The following CCSER2 variants were observed in gnomAD, a reference collection of about 807,000 sequenced individuals.
The protein encoded by CCSER2 is coiled-coil serine rich protein 2.
In CCSER2, 46 loss-of-function variants were observed where a neutral mutation model predicts 92.3. That is an observed-to-expected ratio of 0.50 (90% CI 0.39 to 0.64). The LOEUF is 0.64. Among genes scored for constraint, CCSER2 ranks in the 30% least tolerant of loss-of-function variants. The pLI is 0.00. For missense variants in CCSER2, 1,244 were observed against 1,238.9 expected (o/e 1.00, Z -0.06); for synonymous variants, 433 against 431.4 (o/e 1.00, Z -0.04).
chr10:84,361,307 C>T (rs1845486991), intron 1 of CCSER2, among the ~76,000 whole-genome samples: 1 of 152,158 alleles, frequency 6.6e-6, no homozygotes, highest in Non-Finnish European at 1.5e-5. Context: ...GTTAAATGTC[C>T]CGTCTCTCCT....
chr10:84,398,104 T>G (rs1371440024), intron 3 of CCSER2, among the ~76,000 whole-genome samples: 1 of 152,174 alleles, frequency 6.6e-6, no homozygotes, highest in Non-Finnish European at 1.5e-5. Flanking sequence ...AAAATCAAGA[T>G]GTCAGCAGGG....
chr10:84,391,554 A>G (rs1273903108), intron 3 of CCSER2: 1 of 1,490,690 alleles, frequency 6.7e-7, no homozygotes, highest in East Asian at 2.3e-5. Context: ...GTCTGCAACA[A>G]TGCCACATAG....
chr10:84,392,006 T>A, intron 3 of CCSER2: 5 of 1,315,210 alleles, frequency 3.8e-6, no homozygotes, highest in Non-Finnish European at 5.5e-6. Context: ...ACCAGTTTCC[T>A]CTTCCCTTAA....
At chr10:84,486,781 C>T (rs775461175) in intron 9 of CCSER2, among the ~76,000 whole-genome samples, 3 of 152,166 alleles carry the variant, frequency 2.0e-5, no homozygotes, top group Admixed American at 6.5e-5. Context: ...GCTTTTATTG[C>T]CATTGCTTTT....
chr10:84,385,755 CTTAA>C (rs1207625956), intron 3 of CCSER2, among the ~76,000 whole-genome samples: 3 of 151,896 alleles, frequency 2.0e-5, no homozygotes, highest in African/African-American at 7.3e-5. Context: ...ATAAATGGGA[CTTAA>C]TTAAGCTTTT....
chr10:84,429,166 ATTC>A (rs1277126304), intron 5 of CCSER2, among the ~76,000 whole-genome samples: 1 of 151,858 alleles, frequency 6.6e-6, no homozygotes, highest in Non-Finnish European at 1.5e-5. Flanking sequence ...ATTTTTGTGA[ATTC>A]TTCTTTGAAT....
At chr10:84,492,445 C>A (rs1345271465) in intron 9 of CCSER2, among the ~76,000 whole-genome samples, 1 of 151,988 alleles carries the variant, frequency 6.6e-6, no homozygotes, top group African/African-American at 2.4e-5. Context: ...ACTTTTTGAT[C>A]TGATGTCTTT....
rs568607767 is a variant in CCSER2 at position 84,349,546 on chromosome 10, G to T, written c.-40+20738G>T. Among the ~76,000 whole-genome samples, 216 of 152,212 alleles carry T rather than the reference G, an allele frequency of 1.4e-3. 1 individual carries two copies. Among genetic ancestry groups the T allele is most frequent in the African/African-American group, 5.0e-3 (206 of 41,516 alleles). On this transcript the variant is annotated intron_variant, in intron 1 of 9. Transcript: ENST00000372088. The stretch of plus-strand genomic sequence containing the variant: ...AAAATTAAAAAGTTAGCTGGGTGTG[G>T]TGGCATGTGCCTGTAGTCCCAGCTA...
intron 6 of CCSER2, among the ~76,000 whole-genome samples, chr10:84,457,380 T>C (rs1845789068): frequency 1.0e-5 from 1 of 97,136 alleles, no homozygotes; most frequent in South Asian, 2.6e-4. Context: ...ATATATATTT[T>C]AAATATATAT....
chr10:84,435,965 T>C (rs1333507134), intron 5 of CCSER2, among the ~76,000 whole-genome samples: 1 of 152,072 alleles, frequency 6.6e-6, no homozygotes, highest in Non-Finnish European at 1.5e-5. Flanking sequence ...CAAAGACTAC[T>C]CAGAGGTTGT....
chr10:84,467,730 A>G lies in CCSER2; in HGVS notation c.2149-2642A>G, dbSNP rs575140383. On this transcript the variant is annotated intron_variant, in intron 7 of 9. Transcript: ENST00000372088. ...ACATACTTGTTGTTCTTCTGTATTCACCATTTCTTTTGTTGGCGCAGCTAT... is the reference window on the plus strand; with the variant it reads ...ACATACTTGTTGTTCTTCTGTATTCGCCATTTCTTTTGTTGGCGCAGCTAT... Among the ~76,000 whole-genome samples the G allele has an allele frequency of 5.9e-5, 9 of 152,122 alleles. No individual in the cohort carries two copies. The South Asian group carries it at 1.7e-3, about 28-fold the overall frequency.
chr10:84,378,170 G>A (rs1390135004), intron 3 of CCSER2, among the ~76,000 whole-genome samples: 1 of 152,070 alleles, frequency 6.6e-6, no homozygotes, highest in South Asian at 2.1e-4. Flanking sequence ...TTTAATCAGA[G>A]TATGGAAATT....
chr10:84,436,055 C>T (rs1054195051), intron 5 of CCSER2, among the ~76,000 whole-genome samples: 1 of 152,058 alleles, frequency 6.6e-6, no homozygotes, highest in Non-Finnish European at 1.5e-5. Flanking sequence ...CTGGGCCCGG[C>T]GCCGTGGCCG....
At chr10:84,465,796 G>T (rs976315640) in intron 7 of CCSER2, among the ~76,000 whole-genome samples, 5 of 151,686 alleles carry the variant, frequency 3.3e-5, no homozygotes, top group Non-Finnish European at 5.9e-5. Flanking sequence ...TGTTGCCTAG[G>T]CTGGAGTGCA....
chr10:84,352,855 A>G (rs1436358735), intron 1 of CCSER2, among the ~76,000 whole-genome samples: 2 of 151,980 alleles, frequency 1.3e-5, no homozygotes, highest in African/African-American at 2.4e-5. Context: ...CAGTGGTACA[A>G]TCTTGGCTCA....
intron 9 of CCSER2, among the ~76,000 whole-genome samples, chr10:84,497,742 T>C (rs985410076): frequency 1.4e-4 from 21 of 152,222 alleles, no homozygotes; most frequent in African/African-American, 5.1e-4. Flanking sequence ...CTGTGACAGA[T>C]ACTTTCACCT....
In CCSER2 at chr10:84,513,878, TC is replaced by T; in HGVS notation, c.2757del (p.Leu920CysfsTer4). The T allele has an allele frequency of 1.3e-6, 2 of 1,536,402 alleles. No individual in the cohort carries two copies. The highest frequency in any genetic ancestry group is 1.7e-6 in the Non-Finnish European group (2 of 1,146,966). On this transcript the variant is annotated frameshift_variant, in exon 10 of 10. Transcript: ENST00000372088. LOFTEE classifies it high-confidence loss of function. The stretch of plus-strand genomic sequence containing the variant: ...AGTGGGTTATATGTCTCAGCCCAAG[TC>T]CTTGCAGCTTTTAAAGCCATCCATA... ...PPVGYMSQPK[S>X]LQLLKPSILS...
intron 1 of CCSER2, among the ~76,000 whole-genome samples, chr10:84,337,499 G>A (rs1354544094): frequency 6.6e-6 from 1 of 152,174 alleles, no homozygotes; most frequent in Non-Finnish European, 1.5e-5. Flanking sequence ...GACTTGATTG[G>A]AGTGGGCTTA....
intron 5 of CCSER2, among the ~76,000 whole-genome samples, chr10:84,436,192 T>TG: frequency 3.3e-5 from 5 of 149,662 alleles, no homozygotes; most frequent in Non-Finnish European, 7.4e-5. Flanking sequence ...CCGAGTGTGG[T>TG]GGCGTTACTT....
Sources: allele counts gnomAD v4.1 joint callset (sites outside exome capture counted in the v4.1 genomes callset), GRCh38; gene constraint gnomAD v4.1.1; transcripts MANE v1.5; gene names NCBI Gene and HGNC (gene_info 2026-07-23, HGNC 2026-07-21).